The following ARHGEF3 variants were observed in gnomAD, a reference collection of about 807,000 sequenced individuals.
The protein encoded by ARHGEF3 is Rho guanine nucleotide exchange factor 3.
In ARHGEF3, 28 loss-of-function variants were observed where a neutral mutation model predicts 63.2. The ratio of observed to expected loss-of-function variants is 0.44; its 90% CI spans 0.33 to 0.61. ARHGEF3 has a LOEUF of 0.61. ARHGEF3 is among the 20% of genes least tolerant of loss of function. ARHGEF3 has a pLI of 0.03. For synonymous variants in ARHGEF3, 266 were observed against 254.2 expected, an observed-to-expected ratio of 1.05 and a Z score of -0.44; for missense variants, 533 against 659.3, an observed-to-expected ratio of 0.81 and a Z score of 2.10.
intron 1 of ARHGEF3, among the ~76,000 whole-genome samples, chr3:57,055,997 T>C (rs1704915179): frequency 6.6e-6 from 1 of 152,168 alleles, no homozygotes; most frequent in Admixed American, 6.6e-5. Flanking sequence ...GGGCACTGTG[T>C]GCCTCTATGG....
chr3:56,918,318 C>A (rs1479144778), intron 3 of ARHGEF3, among the ~76,000 whole-genome samples: 1 of 152,204 alleles, frequency 6.6e-6, no homozygotes, highest in Non-Finnish European at 1.5e-5. Flanking sequence ...TAAGGATTCA[C>A]TGGAAATGTG....
intron 3 of ARHGEF3, among the ~76,000 whole-genome samples, chr3:56,893,005 T>C (rs2041175223): frequency 6.6e-6 from 1 of 152,200 alleles, no homozygotes; most frequent in East Asian, 1.9e-4. Flanking sequence ...GGGCTGCTCT[T>C]GTCAAGCTGT....
chr3:56,869,227 T>C (rs1174364791), intron 4 of ARHGEF3, among the ~76,000 whole-genome samples: 1 of 152,162 alleles, frequency 6.6e-6, no homozygotes, highest in Non-Finnish European at 1.5e-5. Flanking sequence ...AATAAACCCA[T>C]TCAGGTTTCC....
At chr3:56,958,984 C>T (rs530041987) in intron 2 of ARHGEF3, 203 of 1,323,450 alleles carry the variant, frequency 1.5e-4, no homozygotes, top group Non-Finnish European at 2.0e-4. Flanking sequence ...AAGAGAGATG[C>T]CTCAAGAAAT....
chr3:56,859,978 T>C (rs2040014678), intron 4 of ARHGEF3, among the ~76,000 whole-genome samples: 1 of 150,728 alleles, frequency 6.6e-6, no homozygotes, highest in East Asian at 2.0e-4. Context: ...CTGGGTAACA[T>C]GGCGAAACCC....
At chr3:57,030,870 T>C (rs115684363) in intron 2 of ARHGEF3, among the ~76,000 whole-genome samples, 3,334 of 152,336 alleles carry the variant, frequency 0.022, 118 homozygotes, top group African/African-American at 0.074. Context: ...ATAAATGCTA[T>C]GCAAATAGTC....
At chr3:57,063,677 A>G (rs936555985) in intron 1 of ARHGEF3, among the ~76,000 whole-genome samples, 8 of 152,182 alleles carry the variant, frequency 5.3e-5, no homozygotes, top group African/African-American at 1.9e-4. Context: ...CAAGGCTTCG[A>G]GGAAGAGAAA....
intron 2 of ARHGEF3, among the ~76,000 whole-genome samples, chr3:56,992,635 G>T (rs1414885722): frequency 6.6e-6 from 1 of 151,968 alleles, no homozygotes; most frequent in Non-Finnish European, 1.5e-5. Context: ...AAATTCACTG[G>T]ACTCCACCCC....
chr3:56,807,474 C>T (rs1416486048), intron 4 of ARHGEF3, among the ~76,000 whole-genome samples: 2 of 152,162 alleles, frequency 1.3e-5, no homozygotes, highest in Non-Finnish European at 2.9e-5. Context: ...AATATGTGTA[C>T]CTCTGTTTGC....
chr3:56,821,012 A>G (rs1272928989), intron 4 of ARHGEF3, among the ~76,000 whole-genome samples: 1 of 151,618 alleles, frequency 6.6e-6, no homozygotes. Context: ...AATACAAAAC[A>G]TTAGCCAGGT....
At chr3:56,887,513 T>C (rs1213247736) in intron 3 of ARHGEF3, among the ~76,000 whole-genome samples, 4 of 152,122 alleles carry the variant, frequency 2.6e-5, no homozygotes, top group African/African-American at 7.2e-5. Context: ...ACATAGTAAG[T>C]GCACAGTAAG....
At chr3:57,071,729 G>C (rs915004486) in intron 1 of ARHGEF3, among the ~76,000 whole-genome samples, 1 of 150,650 alleles carries the variant, frequency 6.6e-6, no homozygotes, top group Non-Finnish European at 1.5e-5. Flanking sequence ...GGTTTCTTAC[G>C]TATGACACCA....
intron 4 of ARHGEF3, among the ~76,000 whole-genome samples, chr3:56,830,152 T>C (rs2038880454): frequency 6.6e-6 from 1 of 152,120 alleles, no homozygotes; most frequent in African/African-American, 2.4e-5. Flanking sequence ...TTATCCATAA[T>C]GCTACACTGT....
At chr3:57,001,302 G>C (rs764462644) in intron 2 of ARHGEF3, among the ~76,000 whole-genome samples, 3 of 152,178 alleles carry the variant, frequency 2.0e-5, no homozygotes, top group Non-Finnish European at 4.4e-5. Flanking sequence ...ATGCATGCAG[G>C]TGATAACTGC....
At position 57,036,738 on chromosome 3, in the gene ARHGEF3, C is replaced by T. The variant is rs114456177; in HGVS notation, c.-27-1562G>A. ...GGTCTCCAGCCTGTCATCGTCCAGG[C>T]ACAGGGGGTGAGGGTAATTTGGACC... On this transcript the variant is annotated intron_variant, in intron 1 of 12. Transcript: ENST00000338458. Among the ~76,000 whole-genome samples, 1,005 of 152,296 alleles carry T rather than the reference C, an allele frequency of 6.6e-3. 5 individuals carry two copies. The highest frequency in any genetic ancestry group is 0.023 in the African/African-American group (947 of 41,554).
chr3:56,944,577 T>TC (rs1244388429), intron 3 of ARHGEF3, among the ~76,000 whole-genome samples: 4 of 143,650 alleles, frequency 2.8e-5, no homozygotes, highest in African/African-American at 1.0e-4. Context: ...TCTTTTTTTT[T>TC]TTTTTTTTTT....
intron 7 of ARHGEF3, among the ~76,000 whole-genome samples, chr3:56,741,184 C>CCTTTTTTTTTTTTTTTTT (rs754074079): frequency 7.8e-6 from 1 of 128,872 alleles, no homozygotes. Context: ...TGCTTTGGTT[C>CCTTTTTTTTTTTTTTTTT]TTTTTTTTTT....
intron 6 of ARHGEF3, 91 bp downstream of exon 6, chr3:56,750,965 A>G: frequency 1.1e-6 from 1 of 921,012 alleles, no homozygotes; most frequent in Non-Finnish European, 1.5e-6. Flanking sequence ...GTAAAAAAAT[A>G]AAAATAAAAA....
rs150263119 is a variant in ARHGEF3 at position 56,946,309 on chromosome 3, T to G, written c.129+12514A>C. ...CTTTGACGAGTTGAGAGAAGAAGGC[T>G]TCAGAAGATCAAACTACTCCAAACT... On this transcript the variant is annotated intron_variant, in intron 3 of 12. Coordinates refer to the ARHGEF3 transcript ENST00000338458. 1.1e-3 allele frequency among the ~76,000 whole-genome samples: 163 copies of G among 152,208 alleles called. 1 individual carries two copies. The East Asian group carries it at 0.02, about 19-fold the overall frequency.
Sources: allele counts gnomAD v4.1 joint callset (sites outside exome capture counted in the v4.1 genomes callset), GRCh38; gene constraint gnomAD v4.1.1; transcripts MANE v1.5; gene names NCBI Gene and HGNC (gene_info 2026-07-23, HGNC 2026-07-21).